RNGTT: variants seen among roughly 807,000 people sequenced by gnomAD.
RNGTT encodes RNA guanylyltransferase and 5'-phosphatase, also known as mRNA-capping enzyme.
Under a neutral mutation model 79.3 loss-of-function variants are expected in RNGTT, and 33 were observed. The observed-to-expected ratio is 0.42, with a 90% CI of 0.32 to 0.56. The LOEUF is 0.56. Among genes scored for constraint, RNGTT ranks in the 20% least tolerant of loss-of-function variants. RNGTT has a pLI of 0.17. For missense variants in RNGTT, 497 were observed against 739.1 expected, an observed-to-expected ratio of 0.67 and a Z score of 3.80; for synonymous variants, 222 against 235.9, an observed-to-expected ratio of 0.94 and a Z score of 0.54.
intron 12 of RNGTT, among the ~76,000 whole-genome samples, chr6:88,774,620 A>G (rs1005198154): frequency 6.6e-6 from 1 of 152,222 alleles, no homozygotes; most frequent in East Asian, 1.9e-4. Flanking sequence ...GTATATACAT[A>G]TATTATCCAA....
At chr6:88,844,581 T>A in intron 10 of RNGTT, 60 bp from the exon 11 acceptor site, 1 of 1,478,756 alleles carries the variant, frequency 6.8e-7, no homozygotes, top group South Asian at 1.2e-5. Flanking sequence ...TCAGCATAAT[T>A]ATCAAGGCTG....
At chr6:88,893,635 A>G (rs1210025025) in intron 6 of RNGTT, among the ~76,000 whole-genome samples, 4 of 152,204 alleles carry the variant, frequency 2.6e-5, no homozygotes, top group African/African-American at 7.2e-5. Flanking sequence ...ACTGAGCATC[A>G]GTACAGATCT....
chr6:88,627,311 T>G (rs1772670768), intron 14 of RNGTT, among the ~76,000 whole-genome samples: 3 of 152,174 alleles, frequency 2.0e-5, no homozygotes, highest in Admixed American at 2.0e-4. Context: ...CCTAATAATA[T>G]TTGAACTAGG....
In RNGTT at chr6:88,710,133, ACCTATAGT is replaced by A. The variant is rs1776269328; in HGVS notation, c.1440-31722_1440-31715del. 2.0e-5 allele frequency among the ~76,000 whole-genome samples: 3 copies of A among 152,148 alleles called. No individual in the cohort carries two copies. The South Asian group carries it at 6.2e-4, about 32-fold the overall frequency. On this transcript the variant is annotated intron_variant, in intron 13 of 15. Coordinates refer to ENST00000369485, the MANE Select transcript of RNGTT (RefSeq NM_003800.5). ...TTTGGAGCTGGGTGCAGTAGAGTGC[ACCTATAGT>A]CCCAGCTACTCCGGAAGCTGAGGCT... is the stretch of plus-strand genomic sequence containing the variant.
chr6:88,928,115 G>A (rs111703159), intron 4 of RNGTT, among the ~76,000 whole-genome samples: 7 of 152,244 alleles, frequency 4.6e-5, no homozygotes, highest in African/African-American at 1.7e-4. Flanking sequence ...AGGAAGCTGA[G>A]AAGAGAGGAT....
intron 13 of RNGTT, among the ~76,000 whole-genome samples, chr6:88,708,221 A>G (rs1223612474): frequency 2.0e-5 from 3 of 152,040 alleles, no homozygotes; most frequent in Admixed American, 6.6e-5. Flanking sequence ...GCCTTTTCCA[A>G]TCTTCAAGGG....
At position 88,612,669 on chromosome 6, in the gene RNGTT, G is replaced by A. The variant is rs577372621; in HGVS notation, c.*50C>T. ...TCTGGCTACAAAAATGGGCAACAGC[G>A]TTTTTTCCTCATTCCTCTTTCTTCT... On this transcript the variant is annotated 3_prime_UTR_variant, in exon 16 of 16. Coordinates refer to ENST00000369485, the MANE Select transcript of RNGTT (RefSeq NM_003800.5). 33 of 1,533,138 alleles carry A rather than the reference G, an allele frequency of 2.2e-5. No individual in the cohort carries two copies. The highest frequency in any genetic ancestry group is 2.4e-4 in the Middle Eastern group (1 of 4,138). 95.0% of individuals were successfully genotyped at this position (1,533,138 alleles called of 1,614,324 possible).
chr6:88,703,699 A>T (rs1776020734), intron 13 of RNGTT, among the ~76,000 whole-genome samples: 1 of 152,236 alleles, frequency 6.6e-6, no homozygotes, highest in South Asian at 2.1e-4. Flanking sequence ...AAGTTTGAAA[A>T]ATAAAATATA....
intron 14 of RNGTT, among the ~76,000 whole-genome samples, chr6:88,617,931 T>C (rs930846670): frequency 6.6e-5 from 10 of 152,136 alleles, no homozygotes; most frequent in African/African-American, 2.2e-4. Context: ...AAGGCTGACT[T>C]TGAAAACAGC....
intron 13 of RNGTT, among the ~76,000 whole-genome samples, chr6:88,685,287 G>A (rs756897087): frequency 7.9e-5 from 12 of 152,034 alleles, no homozygotes; most frequent in Non-Finnish European, 1.5e-4. Flanking sequence ...TGGAAACTAT[G>A]GACTTTAGTT....
At chr6:88,953,206 T>C (rs990031617) in intron 1 of RNGTT, among the ~76,000 whole-genome samples, 2 of 152,160 alleles carry the variant, frequency 1.3e-5, no homozygotes, top group African/African-American at 4.8e-5. Flanking sequence ...AAAATCAACT[T>C]AAAGAAATTT....
intron 1 of RNGTT, among the ~76,000 whole-genome samples, chr6:88,945,701 C>T (rs1784986059): frequency 6.6e-6 from 1 of 152,150 alleles, no homozygotes; most frequent in Non-Finnish European, 1.5e-5. Flanking sequence ...TTCCAGGACA[C>T]AATGAAAGAC....
intron 8 of RNGTT, among the ~76,000 whole-genome samples, chr6:88,872,764 T>C (rs1582566956): frequency 2.0e-5 from 3 of 152,276 alleles, no homozygotes; most frequent in South Asian, 4.1e-4. Context: ...AATAAATTTC[T>C]GGTTGACAAG....
intron 1 of RNGTT, among the ~76,000 whole-genome samples, chr6:88,942,341 A>T (rs1410662067): frequency 1.3e-5 from 2 of 151,954 alleles, no homozygotes; most frequent in Non-Finnish European, 2.9e-5. Context: ...ACCTCTAACC[A>T]ATTTTTTTAA....
chr6:88,707,277 GA>G (rs1186932478), intron 13 of RNGTT, among the ~76,000 whole-genome samples: 1 of 149,408 alleles, frequency 6.7e-6, no homozygotes, highest in Admixed American at 6.7e-5. Context: ...ACTGTGTGAA[GA>G]AAAAAAAAGT....
intron 1 of RNGTT, among the ~76,000 whole-genome samples, chr6:88,947,006 C>T (rs1785039592): frequency 1.8e-5 from 1 of 55,218 alleles, no homozygotes; most frequent in Admixed American, 1.9e-4. Context: ...ACCTACACCT[C>T]CCAGCCGCCT....
At chr6:88,644,071 T>C (rs1285273544) in intron 14 of RNGTT, among the ~76,000 whole-genome samples, 1 of 152,166 alleles carries the variant, frequency 6.6e-6, no homozygotes, top group African/African-American at 2.4e-5. Flanking sequence ...GAGCTGGTTT[T>C]TTGAAAAGAT....
intron 6 of RNGTT, among the ~76,000 whole-genome samples, chr6:88,898,863 A>C (rs1783346761): frequency 9.7e-6 from 1 of 103,282 alleles, no homozygotes; most frequent in Non-Finnish European, 2.0e-5. Context: ...TATATTTTAC[A>C]AAAAAAAAAA....
At chr6:88,710,707 G>A (rs1353861496) in intron 13 of RNGTT, among the ~76,000 whole-genome samples, 1 of 152,036 alleles carries the variant, frequency 6.6e-6, no homozygotes, top group Non-Finnish European at 1.5e-5. Flanking sequence ...ACAAATGTAA[G>A]GAGCATAACA....
Sources: allele counts gnomAD v4.1 joint callset (sites outside exome capture counted in the v4.1 genomes callset), GRCh38; gene constraint gnomAD v4.1.1; transcripts MANE v1.5; gene names NCBI Gene and HGNC (gene_info 2026-07-23, HGNC 2026-07-21).